The following SH3D19 variants were observed in gnomAD, a reference collection of about 807,000 sequenced individuals.
SH3D19 encodes the protein SH3 domain-containing protein 19.
A neutral mutation model predicts 112.1 loss-of-function variants in SH3D19; 58 were observed. The ratio of observed to expected loss-of-function variants is 0.52; its 90% confidence interval spans 0.42 to 0.64. The LOEUF (loss-of-function observed/expected upper bound fraction) is 0.64, where lower values mean the gene tolerates loss of function less well. Ranked by LOEUF, SH3D19 falls within the 30% of genes least tolerant of loss-of-function variation. The pLI is 0.00. For synonymous variants in SH3D19, 391 were observed against 448.5 expected, an observed-to-expected ratio of 0.87 and a Z score of 1.62; for missense variants, 1,090 against 1,263.4, an observed-to-expected ratio of 0.86 and a Z score of 2.08.
At chr4:151,228,960 T>G (rs1197771239) in intron 1 of SH3D19, among the ~76,000 whole-genome samples, 1 of 151,776 alleles carries the variant, frequency 6.6e-6, no homozygotes, top group Non-Finnish European at 1.5e-5. Flanking sequence ...GCTCAAGTGA[T>G]CCTCCCATCT....
chr4:151,181,737 A>G (rs1760975231), intron 3 of SH3D19: 1 of 152,140 alleles, frequency 6.6e-6, no homozygotes, highest in South Asian at 2.1e-4. Context: ...GTGCTAAGGG[A>G]AAAAAAGAAG....
At chr4:151,215,203 T>C (rs1250125725) in intron 2 of SH3D19, among the ~76,000 whole-genome samples, 1 of 152,236 alleles carries the variant, frequency 6.6e-6, no homozygotes, top group Non-Finnish European at 1.5e-5. Context: ...AATACAGGCA[T>C]GAGCCACCAC....
chr4:151,221,997 G>C (rs781342718), intron 2 of SH3D19, among the ~76,000 whole-genome samples: 5 of 152,210 alleles, frequency 3.3e-5, no homozygotes, highest in Non-Finnish European at 7.3e-5. Flanking sequence ...AGTGAGCAAG[G>C]AGCTGGAGCC....
intron 1 of SH3D19, among the ~76,000 whole-genome samples, chr4:151,289,573 T>C (rs1357436022): frequency 6.6e-6 from 1 of 152,212 alleles, no homozygotes; most frequent in Non-Finnish European, 1.5e-5. Context: ...TAGATATTTT[T>C]CTAAAGATAT....
chr4:151,278,280 T>A (rs1773844487), intron 1 of SH3D19, among the ~76,000 whole-genome samples: 1 of 152,076 alleles, frequency 6.6e-6, no homozygotes, highest in African/African-American at 2.4e-5. Context: ...GAGCATTTTT[T>A]TTTTAAGAGA....
intron 2 of SH3D19, among the ~76,000 whole-genome samples, chr4:151,221,110 A>C (rs951143336): frequency 6.6e-6 from 1 of 152,310 alleles, no homozygotes; most frequent in African/African-American, 2.4e-5. Context: ...CTTGACAAGA[A>C]TTATGTTTTC....
Position 151,198,317 on chromosome 4 carries a change from A to AAT in SH3D19, c.153-10856_153-10855dup, listed in dbSNP as rs1554051489. Among the ~76,000 whole-genome samples, 890 of 139,416 alleles carry AAT rather than the reference A, an allele frequency of 6.4e-3. 12 individuals carry two copies. Among genetic ancestry groups the AAT allele is most frequent in the African/African-American group, 0.019 (713 of 38,210 alleles). The allele number at this position is 139,416 out of a possible 152,430, so 91.5% of individuals were successfully genotyped here. The stretch of plus-strand genomic sequence containing the variant: ...GAGACTCTGTCTCAAAAAAAAAAAA[A>AAT]ATATATATATAATATAAAAATATAT... On this transcript the variant is annotated intron_variant, in intron 2 of 19. Coordinates refer to ENST00000604030, the MANE Select transcript of SH3D19 (RefSeq NM_001378122.1).
chr4:151,150,361 G>T (rs1282061573), intron 9 of SH3D19, among the ~76,000 whole-genome samples: 5 of 137,282 alleles, frequency 3.6e-5, no homozygotes, highest in African/African-American at 1.4e-4. Context: ...ATATATACAT[G>T]CTCTTTATTC....
At chr4:151,255,917 G>A (rs562348563) in intron 1 of SH3D19, among the ~76,000 whole-genome samples, 1 of 152,036 alleles carries the variant, frequency 6.6e-6, no homozygotes, top group Admixed American at 6.6e-5. Flanking sequence ...TCGGCAGGCT[G>A]TCAGGAGAAT....
intron 1 of SH3D19, among the ~76,000 whole-genome samples, chr4:151,287,228 C>T (rs942463203): frequency 6.7e-6 from 1 of 150,280 alleles, no homozygotes; most frequent in Non-Finnish European, 1.5e-5. Context: ...GTAATCCCAG[C>T]TACTGAGGAG....
chr4:151,201,743 G>A (rs1239908308), intron 2 of SH3D19, among the ~76,000 whole-genome samples: 1 of 152,184 alleles, frequency 6.6e-6, no homozygotes, highest in African/African-American at 2.4e-5. Flanking sequence ...GGGCACAGTG[G>A]CTCATGCCTA....
At chr4:151,286,587 T>C (rs1774808660) in intron 1 of SH3D19, among the ~76,000 whole-genome samples, 2 of 149,496 alleles carry the variant, frequency 1.3e-5, no homozygotes, top group Non-Finnish European at 3.0e-5. Context: ...AGTAAAGAGA[T>C]TGCATTTGTG....
At chr4:151,182,797 C>T (rs946192245) in intron 3 of SH3D19, among the ~76,000 whole-genome samples, 27 of 152,128 alleles carry the variant, frequency 1.8e-4, no homozygotes, top group African/African-American at 6.3e-4. Flanking sequence ...TTCTCACTTT[C>T]CCAGATTAAA....
At chr4:151,301,520 C>T (rs1396899864) in intron 1 of SH3D19, among the ~76,000 whole-genome samples, 1 of 152,138 alleles carries the variant, frequency 6.6e-6, no homozygotes, top group Non-Finnish European at 1.5e-5. Context: ...AGCCACCGCG[C>T]CTGGCCAGAG....
chr4:151,179,210 TA>T, intron 4 of SH3D19, 144 bp downstream of exon 4: 1 of 437,076 alleles, frequency 2.3e-6, no homozygotes, highest in Non-Finnish European at 3.8e-6. Flanking sequence ...TTCAAACTTA[TA>T]AGTTAATTCA....
intron 2 of SH3D19, among the ~76,000 whole-genome samples, chr4:151,193,167 T>TAA (rs1404884201): frequency 6.6e-6 from 1 of 152,184 alleles, no homozygotes; most frequent in Non-Finnish European, 1.5e-5. Context: ...TCCCCAGGGA[T>TAA]AATTTTGCTG....
At chr4:151,199,154 A>G (rs1021980862) in intron 2 of SH3D19, among the ~76,000 whole-genome samples, 171 of 152,254 alleles carry the variant, frequency 1.1e-3, no homozygotes, top group African/African-American at 3.9e-3. Flanking sequence ...CAAAAGATAC[A>G]GTAAATTTCT....
intron 1 of SH3D19, among the ~76,000 whole-genome samples, chr4:151,312,287 A>T (rs1729534908): frequency 6.6e-6 from 1 of 152,218 alleles, no homozygotes; most frequent in Non-Finnish European, 1.5e-5. Flanking sequence ...TAAGATGGAA[A>T]AACATAACAG....
intron 11 of SH3D19, chr4:151,144,421 G>A (rs1167041104): frequency 7.9e-6 from 6 of 756,494 alleles, no homozygotes; most frequent in Middle Eastern, 2.4e-4. Context: ...TGGCTTCATC[G>A]CGCTCTAGAT....
Sources: gnomAD v4.1 joint callset for allele counts (sites outside exome capture counted in the v4.1 genomes callset) on GRCh38, gnomAD v4.1.1 for gene constraint, MANE v1.5 for transcripts, NCBI Gene and HGNC (gene_info 2026-07-23, HGNC 2026-07-21) for gene names.